Variants in NKAIN3 observed in about 807,000 individuals in gnomAD.
NKAIN3 encodes sodium/potassium transporting ATPase interacting 3.
A neutral mutation model predicts 30.2 loss-of-function variants in NKAIN3; 25 were observed. The ratio of observed to expected loss-of-function variants is 0.83; its 90% confidence interval spans 0.60 to 1.16. The LOEUF is 1.16. NKAIN3 is among the 50% of genes most tolerant of loss of function. The pLI is 0.00. For synonymous variants in NKAIN3, 91 were observed against 89.6 expected (o/e 1.02, Z -0.09); for missense variants, 225 against 254.1 (o/e 0.89, Z 0.78).
intron 5 of NKAIN3, among the ~76,000 whole-genome samples, chr8:62,952,711 T>G (rs1351246775): frequency 2.0e-5 from 3 of 152,226 alleles, no homozygotes; most frequent in Non-Finnish European, 4.4e-5. Context: ...TCAAAACTCT[T>G]CATAAATTGC....
chr8:62,442,545 G>A (rs1805358487), intron 1 of NKAIN3, among the ~76,000 whole-genome samples: 1 of 151,038 alleles, frequency 6.6e-6, no homozygotes. Flanking sequence ...ATCAATTTTT[G>A]GTTTCCTCAT....
At chr8:62,491,460 C>T (rs987631572) in intron 1 of NKAIN3, among the ~76,000 whole-genome samples, 1 of 152,262 alleles carries the variant, frequency 6.6e-6, no homozygotes, top group Non-Finnish European at 1.5e-5. Flanking sequence ...AACTAGCCCC[C>T]ACATGTGAAT....
At chr8:62,893,431 CCTT>C (rs1821347214) in intron 4 of NKAIN3, among the ~76,000 whole-genome samples, 1 of 152,156 alleles carries the variant, frequency 6.6e-6, no homozygotes, top group South Asian at 2.1e-4. Context: ...TCCAAAATGA[CCTT>C]CTAAAATAAT....
At chr8:62,324,755 T>C (rs2129589666) in intron 1 of NKAIN3, among the ~76,000 whole-genome samples, 1 of 152,244 alleles carries the variant, frequency 6.6e-6, no homozygotes, top group South Asian at 2.1e-4. Flanking sequence ...AGTGGGATCT[T>C]TGAAGAATAA....
Position 62,322,257 on chromosome 8 carries a change from C to T in NKAIN3, c.54+73130C>T, listed in dbSNP as rs113710389. Among the ~76,000 whole-genome samples the T allele has an allele frequency of 9.1e-3, 1,384 of 152,278 alleles. 30 individuals are homozygous for T. The highest frequency in any genetic ancestry group is 0.031 in the African/African-American group (1,298 of 41,560). ...TTTCTTTGACTAGGAAAGGGAATTC[C>T]GTGACCCTTTGTGTTTCCTGGGTGA... On this transcript the variant is annotated intron_variant, in intron 1 of 6. Transcript: ENST00000623646.
At chr8:62,581,146 A>ATAAAATAAAATAAAG (rs1283851091) in intron 2 of NKAIN3, among the ~76,000 whole-genome samples, 9 of 149,508 alleles carry the variant, frequency 6.0e-5, no homozygotes, top group Non-Finnish European at 1.0e-4. Flanking sequence ...ATAAAATAAA[A>ATAAAATAAAATAAAG]TAAAATAAAA....
rs541170572 is a variant in NKAIN3 at position 62,912,406 on chromosome 8, AC to A, written c.472-6046del. The stretch of plus-strand genomic sequence containing the variant: ...TATACTACATTTAATTTTTAAATTT[AC>A]TTTCTTCAATAATAAATTCATTTTA... On this transcript the variant is annotated intron_variant, in intron 4 of 6. Transcript: ENST00000623646. Among the ~76,000 whole-genome samples, 63 of 152,276 alleles carry A rather than the reference AC, an allele frequency of 4.1e-4. No homozygotes were observed. The South Asian group carries it at 0.012, about 29-fold the overall frequency.
chr8:62,956,038 T>A (rs1823409014), intron 6 of NKAIN3, among the ~76,000 whole-genome samples: 1 of 152,188 alleles, frequency 6.6e-6, no homozygotes, highest in South Asian at 2.1e-4. Flanking sequence ...AAAATCAAAC[T>A]AAGACTGAAT....
intron 3 of NKAIN3, among the ~76,000 whole-genome samples, chr8:62,701,657 AT>A (rs1347541128): frequency 1.3e-5 from 2 of 152,220 alleles, no homozygotes; most frequent in Non-Finnish European, 2.9e-5. Context: ...GACGTATACA[AT>A]TACCTCAGCT....
At chr8:62,370,240 T>A (rs373325431) in intron 1 of NKAIN3, among the ~76,000 whole-genome samples, 38 of 152,072 alleles carry the variant, frequency 2.5e-4, no homozygotes, top group African/African-American at 8.9e-4. Flanking sequence ...CTTAAAAAAA[T>A]GTATAATTTC....
rs71255341 is a variant in NKAIN3, at chr8:62,506,476, C to CTTTTTTTT, written c.55-73054_55-73047dup. ...TCTGCTTTTTCTTTTTTCTTTCTTT[C>CTTTTTTTT]TTTTTTTTTTTTTTTTGAGACAGAG... On this transcript the variant is annotated intron_variant, in intron 1 of 6. Transcript: ENST00000623646. 5.7e-4 allele frequency among the ~76,000 whole-genome samples: 56 copies of CTTTTTTTT among 98,438 alleles called. 1 individual carries two copies. The highest frequency in any genetic ancestry group is 9.1e-4 in the African/African-American group (22 of 24,224). 64.6% of individuals were successfully genotyped at this position (98,438 alleles called of 152,430 possible). A position where few individuals can be genotyped will look rare whatever the true frequency, so the allele number is the denominator to read the frequency against.
intron 4 of NKAIN3, among the ~76,000 whole-genome samples, chr8:62,797,818 G>C (rs1283290440): frequency 6.6e-6 from 1 of 152,122 alleles, no homozygotes; most frequent in African/African-American, 2.4e-5. Context: ...CAGTGGAGTA[G>C]AGTGAGCCCC....
In NKAIN3 at chr8:62,671,766, G is replaced by GT. The variant is rs1391652579; in HGVS notation, c.274-75158dup. On this transcript the variant is annotated intron_variant, in intron 3 of 6. Transcript: ENST00000623646. ...TCTCTGCCTCTTTGAATTTGTCTTG[G>GT]TTTTTTTTCCTCCTTCTATGGTATG... 3.3e-5 allele frequency among the ~76,000 whole-genome samples: 5 copies of GT among 151,598 alleles called. No individual in the cohort carries two copies. In the East Asian group the frequency reaches 7.7e-4, roughly 23 times the overall value.
At chr8:62,906,283 T>C (rs942950996) in intron 4 of NKAIN3, among the ~76,000 whole-genome samples, 7 of 152,240 alleles carry the variant, frequency 4.6e-5, no homozygotes, top group Admixed American at 6.5e-5. Context: ...GTAGCTATGC[T>C]TTCTCTTAGA....
At chr8:62,575,895 G>T (rs1382750584) in intron 1 of NKAIN3, among the ~76,000 whole-genome samples, 2 of 152,022 alleles carry the variant, frequency 1.3e-5, no homozygotes, top group Non-Finnish European at 2.9e-5. Context: ...AATGGGTCAG[G>T]GAAAACTGAG....
At chr8:62,952,893 G>GA (rs745667588) in intron 5 of NKAIN3, among the ~76,000 whole-genome samples, 4 of 152,042 alleles carry the variant, frequency 2.6e-5, no homozygotes, top group African/African-American at 7.2e-5. Flanking sequence ...TTTTTAATTG[G>GA]AAAACTGTAT....
rs1436023961 is a variant in NKAIN3, at chr8:62,306,677, T to C, written c.54+57550T>C. ...GAGTCAGAAGGTCAAATTTTGGCAGTGATCATTCAACATCTGATGGTTTTA... is the reference window on the plus strand; with the variant it reads ...GAGTCAGAAGGTCAAATTTTGGCAGCGATCATTCAACATCTGATGGTTTTA... On this transcript the variant is annotated intron_variant, in intron 1 of 6. Coordinates refer to ENST00000623646, the MANE Select transcript of NKAIN3 (RefSeq NM_001304533.3). Among the ~76,000 whole-genome samples, 2 of 149,600 alleles carry C rather than the reference T, an allele frequency of 1.3e-5. 1 individual carries two copies. The highest frequency in any genetic ancestry group is 5.1e-5 in the African/African-American group (2 of 39,266).
At position 62,387,768 on chromosome 8, in the gene NKAIN3, TAC is replaced by T. The variant is rs1467332304; in HGVS notation, c.54+138643_54+138644del. ...TGAAGGCAGTAGATTAGATTAAATC[TAC>T]AGTGATTTTCACCTGTAATATTCCA... On this transcript the variant is annotated intron_variant, in intron 1 of 6. Transcript: ENST00000623646. Among the ~76,000 whole-genome samples the T allele has an allele frequency of 2.6e-5, 4 of 152,332 alleles. No homozygotes were observed. The East Asian group carries it at 7.7e-4, about 29-fold the overall frequency.
chr8:62,484,413 C>T (rs1224565041), intron 1 of NKAIN3, among the ~76,000 whole-genome samples: 3 of 152,218 alleles, frequency 2.0e-5, no homozygotes, highest in Non-Finnish European at 4.4e-5. Context: ...TCCTCATTCA[C>T]CATTAGTTGA....
Sources: allele counts gnomAD v4.1 joint callset (sites outside exome capture counted in the v4.1 genomes callset), GRCh38; gene constraint gnomAD v4.1.1; transcripts MANE v1.5; gene names NCBI Gene and HGNC (gene_info 2026-07-23, HGNC 2026-07-21).